Variants in ADGRG7 observed in about 807,000 individuals in gnomAD.
The protein encoded by ADGRG7 is adhesion G protein-coupled receptor G7.
In ADGRG7, 82 loss-of-function variants were observed where a neutral mutation model predicts 88.6. The ratio of observed to expected loss-of-function variants is 0.93; its 90% CI spans 0.77 to 1.11. The LOEUF (loss-of-function observed/expected upper bound fraction) is 1.11, where lower values mean the gene tolerates loss of function less well. Among genes scored for constraint, ADGRG7 ranks in the 50% most tolerant of loss-of-function variants. The pLI is 0.00. For synonymous variants in ADGRG7, 381 were observed against 345.2 expected (o/e 1.10, Z -1.15); for missense variants, 945 against 953.4 (o/e 0.99, Z 0.12).
intron 11 of ADGRG7, among the ~76,000 whole-genome samples, chr3:100,653,517 C>T (rs1259841705): frequency 1.3e-5 from 2 of 152,228 alleles, no homozygotes; most frequent in Admixed American, 6.5e-5. Context: ...GCCTCTTCTA[C>T]AGATGGCCTT....
chr3:100,622,911 G>A (rs546394886), intron 1 of ADGRG7, among the ~76,000 whole-genome samples: 10 of 149,598 alleles, frequency 6.7e-5, no homozygotes, highest in South Asian at 2.2e-4. Context: ...CACCATGCCC[G>A]GAAAATTTTT....
At chr3:100,659,631 AG>A in intron 13 of ADGRG7, 56 bp from the exon 14 acceptor site, 2 of 1,496,350 alleles carry the variant, frequency 1.3e-6, no homozygotes, top group Non-Finnish European at 1.8e-6. Flanking sequence ...AATAGCACAA[AG>A]ACCAGTATGT....
rs780049267 is a variant in ADGRG7, at chr3:100,637,386, G to T, written c.682G>T (p.Asp228Tyr). ...TCAAAGAGTTGCTGCTACTGCTAATGATGATGCCCTTACAACGTAAGCACA... is the reference window on the plus strand; with the variant it reads ...TCAAAGAGTTGCTGCTACTGCTAATTATGATGCCCTTACAACGTAAGCACA... ...AFQRVAATAN[D>Y]DALTTLIEQM... Residue 228 changes from aspartate to tyrosine, a missense_variant, in exon 6 of 16, where the codon GAT (aspartate) becomes TAT (tyrosine). Physicochemically the swap from Asp to Tyr is radical, Grantham distance 160. Transcript: ENST00000273352. 116 of 1,612,412 alleles carry T rather than the reference G, an allele frequency of 7.2e-5. No individual in the cohort carries two copies. The highest frequency in any genetic ancestry group is 1.6e-4 in the Middle Eastern group (1 of 6,078).
At chr3:100,682,326 A>G (rs1431573381) in intron 15 of ADGRG7, among the ~76,000 whole-genome samples, 1 of 152,130 alleles carries the variant, frequency 6.6e-6, no homozygotes, top group East Asian at 1.9e-4. Flanking sequence ...GGAACGTGGG[A>G]GCCAGGCCCG....
At chr3:100,663,487 C>A (rs72915273) in intron 14 of ADGRG7, among the ~76,000 whole-genome samples, 156 of 152,132 alleles carry the variant, frequency 1.0e-3, no homozygotes, top group Non-Finnish European at 3.1e-4. Context: ...ATTCTTTTGC[C>A]TCCAAGAACC....
chr3:100,694,917 T>C lies in ADGRG7; in HGVS notation c.2310T>C (p.His770=). ...YNFLRSLPTL[H]ERFRLLETSP... ...TCCTCAGGTCATTGCCAACCTTACA[T>C]GAACGCTTTAGGCTACTGGAAACCT... Residue 770 remains histidine (H), a synonymous_variant, in exon 16 of 16, where the codon CAT becomes CAC. Coordinates refer to ENST00000273352, the MANE Select transcript of ADGRG7 (RefSeq NM_032787.3). 6.2e-7 allele frequency: 1 copy of C among 1,614,170 alleles called. No individual in the cohort carries two copies. The highest frequency in any genetic ancestry group is 1.1e-5 in the South Asian group (1 of 91,082).
At chr3:100,643,495 T>A (rs1707681108) in intron 7 of ADGRG7, 31 bp from the exon 8 acceptor site, 1 of 1,607,702 alleles carries the variant, frequency 6.2e-7, no homozygotes, top group Non-Finnish European at 8.5e-7. Context: ...TAATGTAGAC[T>A]TTTACAATTC....
rs1249202735 is a variant in ADGRG7, at chr3:100,609,975, A to G, written c.115+4A>G. The G allele has an allele frequency of 6.2e-7, 1 of 1,605,538 alleles. No homozygotes were observed. Among genetic ancestry groups the G allele is most frequent in the Non-Finnish European group, 8.5e-7 (1 of 1,172,798 alleles). ...ATTGTGATCAGGATCCAAAGAGGTA[A>G]TGTTGTCCTGCTATGTTTAACTCAG... On this transcript the variant is annotated splice_donor_region_variant and intron_variant, in intron 1 of 15. Transcript: ENST00000273352.
chr3:100,614,208 CA>C (rs922537709), intron 1 of ADGRG7, among the ~76,000 whole-genome samples: 2 of 152,146 alleles, frequency 1.3e-5, no homozygotes, highest in Admixed American at 6.5e-5. Context: ...GATTGAGACT[CA>C]AATTACCAAT....
chr3:100,645,976 T>C lies in ADGRG7; in HGVS notation c.978T>C (p.Tyr326=), dbSNP rs1374715170. 2 of 1,613,798 alleles carry C rather than the reference T, an allele frequency of 1.2e-6. No homozygotes were observed. The highest frequency in any genetic ancestry group is 8.5e-7 in the Non-Finnish European group (1 of 1,179,896). Residue 326 remains tyrosine, a synonymous_variant, in exon 9 of 16, where the codon TAT becomes TAC. Coordinates refer to ENST00000273352, the MANE Select transcript of ADGRG7 (RefSeq NM_032787.3). The part of the protein sequence containing the change: ...NYTKTCGFVV[Y]QNDKLFQSKT... ...CCAAGACATGCGGCTTTGTAGTTTA[T>C]CAAAATGACAAGCTTTTCCAATCAA...
At chr3:100,682,297 C>T (rs1188186442) in intron 15 of ADGRG7, among the ~76,000 whole-genome samples, 1 of 152,182 alleles carries the variant, frequency 6.6e-6, no homozygotes, top group Admixed American at 6.5e-5. Context: ...GGGTCTGGGG[C>T]GGTGCCACAC....
chr3:100,655,585 C>A (rs1190537342), intron 12 of ADGRG7, among the ~76,000 whole-genome samples: 1 of 152,054 alleles, frequency 6.6e-6, no homozygotes, highest in Non-Finnish European at 1.5e-5. Flanking sequence ...AGACTTGTTT[C>A]AGGGATATCT....
intron 15 of ADGRG7, among the ~76,000 whole-genome samples, chr3:100,674,767 C>T (rs562887812): frequency 5.3e-4 from 80 of 151,956 alleles, no homozygotes; most frequent in Admixed American, 1.0e-3. Flanking sequence ...TTAGTAGAGA[C>T]GGGGTTTCAC....
At chr3:100,691,568 T>G (rs539214492) in intron 15 of ADGRG7, among the ~76,000 whole-genome samples, 55 of 152,068 alleles carry the variant, frequency 3.6e-4, no homozygotes, top group African/African-American at 1.3e-3. Context: ...CAATTTTAGA[T>G]CCATAAGATG....
intron 1 of ADGRG7, among the ~76,000 whole-genome samples, chr3:100,614,154 G>T (rs905061013): frequency 1.3e-5 from 2 of 152,148 alleles, no homozygotes; most frequent in Non-Finnish European, 1.5e-5. Flanking sequence ...CCACTCCCTG[G>T]TTTATACCTT....
intron 15 of ADGRG7, among the ~76,000 whole-genome samples, chr3:100,677,653 T>C (rs972400164): frequency 1.3e-5 from 2 of 152,154 alleles, no homozygotes; most frequent in Admixed American, 6.5e-5. Context: ...TGGGAAAATC[T>C]CTATTTCTCC....
chr3:100,622,637 C>T (rs79696346), intron 1 of ADGRG7, among the ~76,000 whole-genome samples: 4 of 152,196 alleles, frequency 2.6e-5, no homozygotes, highest in Non-Finnish European at 4.4e-5. Context: ...TCACAATTTA[C>T]AAATTGCAAT....
intron 10 of ADGRG7, among the ~76,000 whole-genome samples, chr3:100,649,302 A>G (rs1287892508): frequency 6.6e-6 from 1 of 152,220 alleles, no homozygotes. Context: ...ATGGAAAATA[A>G]CAGTATTTTC....
intron 3 of ADGRG7, among the ~76,000 whole-genome samples, chr3:100,631,402 T>G (rs1241621543): frequency 6.6e-6 from 1 of 152,194 alleles, no homozygotes; most frequent in Non-Finnish European, 1.5e-5. Flanking sequence ...TTTTGGTGAT[T>G]CATTTCAGTG....
Sources: allele counts gnomAD v4.1 joint callset (sites outside exome capture counted in the v4.1 genomes callset), GRCh38; gene constraint gnomAD v4.1.1; transcripts MANE v1.5; gene names NCBI Gene and HGNC (gene_info 2026-07-23, HGNC 2026-07-21).